Variants in ADAMTSL1 observed in about 807,000 individuals in gnomAD.
ADAMTSL1 encodes the protein ADAMTS like 1.
Under a neutral mutation model 201.8 loss-of-function variants are expected in ADAMTSL1, and 126 were observed. That is an observed-to-expected ratio of 0.62 (90% CI 0.54 to 0.72). The LOEUF is 0.72. ADAMTSL1 is among the 30% of genes least tolerant of loss of function. The pLI, the probability that ADAMTSL1 is intolerant of heterozygous loss-of-function variation, is 0.00. For missense variants in ADAMTSL1, 2,679 were observed against 2,277.8 expected (o/e 1.18, Z -3.59); for synonymous variants, 1,121 against 903.4 (o/e 1.24, Z -4.32).
At chr9:17,977,619 G>A (rs1171306230) in intron 1 of ADAMTSL1, among the ~76,000 whole-genome samples, 2 of 151,722 alleles carry the variant, frequency 1.3e-5, no homozygotes, top group South Asian at 4.2e-4. Flanking sequence ...TTGATTCTTT[G>A]TATTTTTATG....
intron 1 of ADAMTSL1, among the ~76,000 whole-genome samples, chr9:18,092,089 A>C (rs1824047909): frequency 6.6e-6 from 1 of 152,172 alleles, no homozygotes; most frequent in Non-Finnish European, 1.5e-5. Flanking sequence ...GCTTGGGATT[A>C]CCTGAAAAAA....
At chr9:18,007,334 G>T (rs913929198) in intron 1 of ADAMTSL1, among the ~76,000 whole-genome samples, 1 of 151,938 alleles carries the variant, frequency 6.6e-6, no homozygotes, top group African/African-American at 2.4e-5. Flanking sequence ...CTTGATATTT[G>T]CTTATGTCAG....
intron 26 of ADAMTSL1, among the ~76,000 whole-genome samples, chr9:18,900,570 A>G (rs1037203339): frequency 2.6e-5 from 4 of 152,268 alleles, no homozygotes; most frequent in African/African-American, 4.8e-5. Flanking sequence ...AATGTGGTAC[A>G]TAAAACCATA....
At chr9:17,968,871 C>CA (rs1433228146) in intron 1 of ADAMTSL1, among the ~76,000 whole-genome samples, 6 of 152,062 alleles carry the variant, frequency 3.9e-5, no homozygotes, top group Non-Finnish European at 8.8e-5. Context: ...CTAACTGCCT[C>CA]AATGACACTG....
rs1817899579 is a variant in ADAMTSL1 at position 17,964,559 on chromosome 9, T to C, written c.87+57637T>C. ...CATGAACATACTCACATAACAAAAC[T>C]GTGTTTAACTAAATATACACATAGG... On this transcript the variant is annotated intron_variant, in intron 1 of 29. Transcript: ENST00000680146. Among the ~76,000 whole-genome samples, 3 of 111,308 alleles carry C rather than the reference T, an allele frequency of 2.7e-5. No homozygotes were observed. In the South Asian group the frequency reaches 1.0e-3, roughly 38 times the overall value. 73.0% of individuals were successfully genotyped at this position (111,308 alleles called of 152,430 possible).
At chr9:18,225,582 C>G (rs1296544277) in intron 2 of ADAMTSL1, among the ~76,000 whole-genome samples, 2 of 152,100 alleles carry the variant, frequency 1.3e-5, no homozygotes, top group Admixed American at 6.6e-5. Context: ...AATCCCATCA[C>G]ATTTCTCTAA....
chr9:18,353,231 C>T (rs1836054694), intron 2 of ADAMTSL1, among the ~76,000 whole-genome samples: 1 of 152,170 alleles, frequency 6.6e-6, no homozygotes, highest in African/African-American at 2.4e-5. Flanking sequence ...GTGTTGAAAA[C>T]AGTAGTAGCA....
At chr9:18,800,377 CAAAAAAAAAAAAAA>C (rs58346548) in intron 20 of ADAMTSL1, among the ~76,000 whole-genome samples, 3 of 60,664 alleles carry the variant, frequency 4.9e-5, no homozygotes, top group Admixed American at 2.4e-4. Context: ...AACTCCATCT[CAAAAAAAAAAAAAA>C]AAAAAAAAAA....
chr9:18,175,803 G>C (rs1045954081), intron 2 of ADAMTSL1, among the ~76,000 whole-genome samples: 36 of 152,168 alleles, frequency 2.4e-4, no homozygotes, highest in African/African-American at 7.7e-4. Context: ...ACCAGCCCAT[G>C]GCATGCCTCC....
intron 1 of ADAMTSL1, among the ~76,000 whole-genome samples, chr9:17,960,266 G>T (rs1817688136): frequency 1.3e-5 from 2 of 152,170 alleles, no homozygotes; most frequent in Non-Finnish European, 2.9e-5. Flanking sequence ...ACAAACTGTA[G>T]ATACTATGTC....
chr9:18,906,906 G>A lies in ADAMTSL1; in HGVS notation c.5176G>A (p.Glu1726Lys). 3 of 1,613,910 alleles carry A rather than the reference G, an allele frequency of 1.9e-6. No homozygotes were observed. Among genetic ancestry groups the A allele is most frequent in the Non-Finnish European group, 2.5e-6 (3 of 1,179,844 alleles). The change falls in exon 28 of 29, where the codon GAA becomes AAA. Residue 1726 changes from glutamate (E) to lysine (K), a missense_variant. By Grantham distance (56) the Glu-to-Lys change is moderately conservative. Transcript: ENST00000380548. The part of the protein sequence containing the change: ...NWQRCNITPC[E>K]NMECRDTTRY... ...GCAGCGCTGCAACATCACCCCATGTGAAAACAGTATGTTCCAACCCCAAAG... is the reference window on the plus strand; with the variant it reads ...GCAGCGCTGCAACATCACCCCATGTAAAAACAGTATGTTCCAACCCCAAAG...
intron 2 of ADAMTSL1, among the ~76,000 whole-genome samples, chr9:18,260,259 A>G (rs970286188): frequency 1.3e-5 from 2 of 152,210 alleles, no homozygotes; most frequent in Non-Finnish European, 2.9e-5. Flanking sequence ...CCTTACTTTC[A>G]CACAGCTCAG....
rs756715708 is a variant in ADAMTSL1 at position 18,680,441 on chromosome 9, C to T, written c.1266C>T (p.Tyr422=). ...VTSVEEWKCM[Y]TPKMPIAQPC... ...CAGTGGAAGAGTGGAAATGCATGTA[C>T]ACCCCTAAGATGCCCATCGCGCAGC... Residue 422 remains tyrosine (Y), a synonymous_variant, in exon 11 of 29, where the codon TAC becomes TAT. Coordinates refer to ENST00000380548, the MANE Select transcript of ADAMTSL1 (RefSeq NM_001040272.6). 4 of 1,614,180 alleles carry T rather than the reference C, an allele frequency of 2.5e-6. No individual in the cohort carries two copies. The East Asian group carries it at 8.9e-5, about 36-fold the overall frequency.
chr9:17,945,681 T>C (rs935096809), intron 1 of ADAMTSL1, among the ~76,000 whole-genome samples: 11 of 151,870 alleles, frequency 7.2e-5, no homozygotes, highest in Admixed American at 6.6e-5. Flanking sequence ...ATGGATGAGA[T>C]TGGAAATCAT....
chr9:18,691,160 G>A (rs888375398), intron 13 of ADAMTSL1, among the ~76,000 whole-genome samples: 3 of 152,184 alleles, frequency 2.0e-5, no homozygotes, highest in Admixed American at 6.6e-5. Flanking sequence ...TTAAAAAGGA[G>A]TTCAGGAGAC....
At chr9:18,514,221 C>G (rs1818220066) in intron 2 of ADAMTSL1, among the ~76,000 whole-genome samples, 2 of 151,720 alleles carry the variant, frequency 1.3e-5, no homozygotes, top group South Asian at 2.1e-4. Flanking sequence ...TAGTTTATTC[C>G]TAAGTATTTT....
At chr9:17,985,086 C>A (rs1043375253) in intron 1 of ADAMTSL1, among the ~76,000 whole-genome samples, 1 of 152,072 alleles carries the variant, frequency 6.6e-6, no homozygotes, top group African/African-American at 2.4e-5. Flanking sequence ...TTAGTTCTTC[C>A]AAGTACCGTC....
chr9:18,226,838 A>C (rs1830448745), intron 2 of ADAMTSL1, among the ~76,000 whole-genome samples: 3 of 152,182 alleles, frequency 2.0e-5, no homozygotes, highest in South Asian at 4.1e-4. Context: ...AAAAATTAAT[A>C]ATAGTAATGA....
intron 2 of ADAMTSL1, among the ~76,000 whole-genome samples, chr9:18,517,235 G>C (rs1331151122): frequency 6.6e-6 from 1 of 152,006 alleles, no homozygotes; most frequent in Non-Finnish European, 1.5e-5. Flanking sequence ...TAAGCCAAAG[G>C]CAGCAATCCC....
Sources: gnomAD v4.1 joint callset for allele counts (sites outside exome capture counted in the v4.1 genomes callset) on GRCh38, gnomAD v4.1.1 for gene constraint, MANE v1.5 for transcripts, NCBI Gene and HGNC (gene_info 2026-07-23, HGNC 2026-07-21) for gene names.